The following PALLD variants were observed in gnomAD, a reference collection of about 807,000 sequenced individuals.
PALLD encodes the protein palladin, cytoskeletal associated protein.
In PALLD, 61 loss-of-function variants were observed where a neutral mutation model predicts 123.5. The ratio of observed to expected loss-of-function variants is 0.49; its 90% CI spans 0.40 to 0.61. The LOEUF (loss-of-function observed/expected upper bound fraction) is 0.61. PALLD is among the 20% of genes least tolerant of loss of function. The probability of loss-of-function intolerance (pLI) is 0.00; values close to 1 mark genes in which losing one functional copy is unlikely to be tolerated. For synonymous variants in PALLD, 465 were observed against 496.4 expected (o/e 0.94, Z 0.84); for missense variants, 1,273 against 1,377.0 (o/e 0.92, Z 1.20).
Position 168,925,235 on chromosome 4 carries a change from T to C in PALLD, c.3361T>C (p.Ser1121Pro), listed in dbSNP as rs773012524. 6 of 1,608,360 alleles carry C rather than the reference T, an allele frequency of 3.7e-6. No individual in the cohort carries two copies. Among genetic ancestry groups the C allele is most frequent in the Non-Finnish European group, 5.1e-6 (6 of 1,174,826 alleles). The change falls in exon 21 of 22, where the codon TCT (serine) becomes CCT (proline). Residue 1121 changes from serine (S) to proline (P), a missense_variant and splice_region_variant. Ser to Pro is a moderately conservative substitution (Grantham distance 74). Around this residue, in one of 2 missense-constraint regions of PALLD, gnomAD observed 329 missense variants for 422.5 expected, o/e 0.78. Transcript: ENST00000505667. ...SCTARLDVYI[S>P]RH ...TCTCTCTCTCTTTCTATTTGTAGTT[T>C]CTCGACATTAATAGTGAACCACACC...
intron 10 of PALLD, among the ~76,000 whole-genome samples, chr4:168,814,373 A>C (rs1026866718): frequency 6.6e-6 from 1 of 152,234 alleles, no homozygotes; most frequent in Admixed American, 6.5e-5. Flanking sequence ...TATCAAATAT[A>C]TCTACCAGCA....
rs1752070374 is a variant in PALLD, at chr4:168,878,197, C to T, written c.1965-12725C>T. 1 of 1,507,440 alleles carries T rather than the reference C, an allele frequency of 6.6e-7. No homozygotes were observed. The highest frequency in any genetic ancestry group is 8.8e-7 in the Non-Finnish European group (1 of 1,134,780). 93.4% of individuals were successfully genotyped at this position (1,507,440 alleles called of 1,614,324 possible). ...CGGTCTTCAGCCCCACGGCTGCCTT[C>T]CCGGTGCCCGACGTGTTCCCACTGC... On this transcript the variant is annotated intron_variant, in intron 10 of 21. Transcript: ENST00000505667.
In PALLD at chr4:168,803,666, T is replaced by TA. The variant is rs1739692950; in HGVS notation, c.1965-87255dup. ...GCGTACTGCACTCCAGCCTGGGTGA[T>TA]AGAGTGAGACCCTGTCTCAAAAAAA... On this transcript the variant is annotated intron_variant, in intron 10 of 21. Transcript: ENST00000505667. Among the ~76,000 whole-genome samples, 3 of 137,914 alleles carry TA rather than the reference T, an allele frequency of 2.2e-5. No individual in the cohort carries two copies. In the Admixed American group the frequency reaches 2.3e-4, roughly 11 times the overall value. The allele number at this position is 137,914 out of a possible 152,430, so 90.5% of individuals were successfully genotyped here.
At chr4:168,748,644 A>C (rs562332643) in intron 10 of PALLD, among the ~76,000 whole-genome samples, 1 of 152,296 alleles carries the variant, frequency 6.6e-6, no homozygotes, top group Non-Finnish European at 1.5e-5. Flanking sequence ...GGTGTCACTC[A>C]GGCTGTATTT....
At chr4:168,586,476 T>G (rs905370159) in intron 2 of PALLD, among the ~76,000 whole-genome samples, 5 of 152,192 alleles carry the variant, frequency 3.3e-5, no homozygotes, top group African/African-American at 1.2e-4. Flanking sequence ...TGATCACTAA[T>G]TTGGGAATTG....
intron 9 of PALLD, among the ~76,000 whole-genome samples, chr4:168,710,269 CT>C (rs1304850992): frequency 6.9e-6 from 1 of 144,192 alleles, no homozygotes; most frequent in Non-Finnish European, 1.6e-5. Context: ...TATGAAACAG[CT>C]TTTTTTCTTT....
chr4:168,612,232 G>A (rs371827313), intron 2 of PALLD, among the ~76,000 whole-genome samples: 39 of 144,112 alleles, frequency 2.7e-4, no homozygotes, highest in African/African-American at 8.4e-4. Flanking sequence ...AAGAAATTCA[G>A]TGTCCTTGAA....
chr4:168,770,103 G>C (rs1374589249), intron 10 of PALLD, among the ~76,000 whole-genome samples: 3 of 152,098 alleles, frequency 2.0e-5, no homozygotes, highest in East Asian at 3.9e-4. Context: ...TTGGGGGAGA[G>C]GGCAACATTC....
At chr4:168,874,891 C>T (rs763859742) in intron 10 of PALLD, among the ~76,000 whole-genome samples, 34 of 151,838 alleles carry the variant, frequency 2.2e-4, no homozygotes, top group South Asian at 4.2e-4. Flanking sequence ...AGTGGGGAAT[C>T]GCTTAGATTT....
chr4:168,782,193 T>C (rs992920187), intron 10 of PALLD, among the ~76,000 whole-genome samples: 13 of 152,238 alleles, frequency 8.5e-5, no homozygotes, highest in African/African-American at 3.1e-4. Context: ...TGTGGAACAC[T>C]GAGGCGCAAC....
chr4:168,893,908 T>C (rs557309123), intron 11 of PALLD, among the ~76,000 whole-genome samples: 16 of 152,336 alleles, frequency 1.1e-4, no homozygotes, highest in African/African-American at 3.8e-4. Context: ...GGCAAGTGTC[T>C]TGTGTAATCC....
chr4:168,774,727 C>CAAAAAAAAAAAAA (rs56364164), intron 10 of PALLD, among the ~76,000 whole-genome samples: 24 of 73,160 alleles, frequency 3.3e-4, no homozygotes, highest in South Asian at 5.7e-4. Context: ...GACTGCATCT[C>CAAAAAAAAAAAAA]AAAAAAAAAA....
intron 10 of PALLD, among the ~76,000 whole-genome samples, chr4:168,841,170 T>G (rs1745986885): frequency 3.3e-5 from 5 of 152,084 alleles, no homozygotes; most frequent in Admixed American, 3.3e-4. Context: ...TGTTTAAGAA[T>G]TAACATGTAT....
intron 3 of PALLD, 61 bp downstream of exon 3, chr4:168,668,429 A>G: frequency 2.9e-6 from 4 of 1,366,966 alleles, no homozygotes; most frequent in Non-Finnish European, 4.0e-6. Context: ...TGACTCCAGT[A>G]TCTTGGGCAT....
intron 17 of PALLD, 131 bp downstream of exon 17, chr4:168,916,158 A>G: frequency 2.2e-6 from 2 of 902,150 alleles, no homozygotes; most frequent in Non-Finnish European, 3.6e-6. Flanking sequence ...CACACCTATA[A>G]TCCCAGCACT....
intron 10 of PALLD, among the ~76,000 whole-genome samples, chr4:168,880,819 C>G (rs995399030): frequency 6.6e-6 from 1 of 152,198 alleles, no homozygotes; most frequent in Non-Finnish European, 1.5e-5. Flanking sequence ...ATATGTAACA[C>G]AATGAAGTAG....
At chr4:168,921,270 A>T (rs2126482934) in intron 17 of PALLD, among the ~76,000 whole-genome samples, 1 of 151,844 alleles carries the variant, frequency 6.6e-6, no homozygotes, top group South Asian at 2.1e-4. Context: ...AGGCTGGCAT[A>T]GTGGCAGGCA....
At chr4:168,841,245 C>T (rs1383296374) in intron 10 of PALLD, among the ~76,000 whole-genome samples, 2 of 152,172 alleles carry the variant, frequency 1.3e-5, no homozygotes, top group Non-Finnish European at 2.9e-5. Flanking sequence ...CTGTGTTTTT[C>T]TTCTCAGCAC....
chr4:168,715,718 AG>A (rs1175677743), intron 10 of PALLD, among the ~76,000 whole-genome samples: 1 of 152,208 alleles, frequency 6.6e-6, no homozygotes, highest in Non-Finnish European at 1.5e-5. Flanking sequence ...TGGAAGGCCA[AG>A]GTGGGCGGAT....
Sources: allele counts gnomAD v4.1 joint callset (sites outside exome capture counted in the v4.1 genomes callset), GRCh38; gene constraint gnomAD v4.1.1; regional missense constraint gnomAD v4.1.1; transcripts MANE v1.5; gene names NCBI Gene and HGNC (gene_info 2026-07-23, HGNC 2026-07-21).